C10orf90: variants seen among roughly 807,000 people sequenced by gnomAD.
C10orf90 encodes chromosome 10 open reading frame 90, also known as (E2-independent) E3 ubiquitin-conjugating enzyme FATS.
Under a neutral mutation model 62.5 loss-of-function variants are expected in C10orf90, and 56 were observed. The observed-to-expected ratio is 0.90, with a 90% CI of 0.72 to 1.12. The LOEUF (loss-of-function observed/expected upper bound fraction) is 1.12, where lower values mean the gene tolerates loss of function less well. Ranked by LOEUF, C10orf90 falls within the 50% of genes most tolerant of loss-of-function variation. The pLI is 0.00. For synonymous variants in C10orf90, 386 were observed against 340.4 expected (o/e 1.13, Z -1.47); for missense variants, 970 against 880.4 (o/e 1.10, Z -1.29).
At chr10:126,650,237 G>A (rs1244202940) in intron 1 of C10orf90, among the ~76,000 whole-genome samples, 2 of 152,152 alleles carry the variant, frequency 1.3e-5, no homozygotes, top group Non-Finnish European at 2.9e-5. Context: ...TCCTAACTCA[G>A]GCCTTTCAAG....
chr10:126,495,846 A>T (rs1862017751), intron 4 of C10orf90, among the ~76,000 whole-genome samples: 1 of 152,186 alleles, frequency 6.6e-6, no homozygotes, highest in Non-Finnish European at 1.5e-5. Context: ...GATCCCTTCT[A>T]AATTCACTTC....
intron 2 of C10orf90, among the ~76,000 whole-genome samples, chr10:126,534,735 C>T (rs1209635852): frequency 6.6e-6 from 1 of 151,784 alleles, no homozygotes; most frequent in Non-Finnish European, 1.5e-5. Context: ...TTGTGTGTTT[C>T]TTCTGCTTTC....
At chr10:126,446,650 C>G (rs1216717753) in intron 7 of C10orf90, among the ~76,000 whole-genome samples, 1 of 152,070 alleles carries the variant, frequency 6.6e-6, no homozygotes, top group Non-Finnish European at 1.5e-5. Flanking sequence ...CACACTAAAG[C>G]AAAAGGATAC....
chr10:126,576,722 A>ATGTATATG (rs1564879166), intron 2 of C10orf90, among the ~76,000 whole-genome samples: 1 of 34,570 alleles, frequency 2.9e-5, no homozygotes, highest in Non-Finnish European at 5.8e-5. Flanking sequence ...TATACAAGAT[A>ATGTATATG]TACATATATA....
At chr10:126,517,625 G>GT (rs1265243213) in intron 2 of C10orf90, among the ~76,000 whole-genome samples, 1 of 152,140 alleles carries the variant, frequency 6.6e-6, no homozygotes, top group African/African-American at 2.4e-5. Context: ...GAATACAAAG[G>GT]TTGGGGCCAG....
chr10:126,576,234 C>A (rs954861111), intron 2 of C10orf90, among the ~76,000 whole-genome samples: 2 of 151,782 alleles, frequency 1.3e-5, no homozygotes, highest in Non-Finnish European at 1.5e-5. Flanking sequence ...ACAGCAAAAA[C>A]CCAATTTGAT....
At chr10:126,653,163 G>A (rs909167312) in intron 1 of C10orf90, among the ~76,000 whole-genome samples, 8 of 152,184 alleles carry the variant, frequency 5.3e-5, no homozygotes, top group Non-Finnish European at 8.8e-5. Flanking sequence ...TCAGGGTGGT[G>A]TTTGCTGAAG....
intron 1 of C10orf90, among the ~76,000 whole-genome samples, chr10:126,667,564 C>T (rs1021065608): frequency 9.2e-5 from 14 of 152,148 alleles, no homozygotes; most frequent in African/African-American, 3.1e-4. Flanking sequence ...TCAGCCTGCA[C>T]CTACCATCAG....
intron 4 of C10orf90, among the ~76,000 whole-genome samples, chr10:126,494,202 A>G (rs1249552122): frequency 1.3e-5 from 2 of 152,238 alleles, no homozygotes; most frequent in Non-Finnish European, 2.9e-5. Context: ...TCTGCTGAAT[A>G]TACACCAAAG....
chr10:126,651,613 C>A (rs1167473956), intron 1 of C10orf90, among the ~76,000 whole-genome samples: 1 of 152,136 alleles, frequency 6.6e-6, no homozygotes, highest in Non-Finnish European at 1.5e-5. Context: ...AGAACAGGAA[C>A]AGAAACGTTA....
intron 2 of C10orf90, among the ~76,000 whole-genome samples, chr10:126,616,763 G>C (rs1231090770): frequency 6.6e-6 from 1 of 152,160 alleles, no homozygotes; most frequent in Non-Finnish European, 1.5e-5. Flanking sequence ...CATGCCACTT[G>C]AAGAGCACAA....
intron 2 of C10orf90, among the ~76,000 whole-genome samples, chr10:126,532,638 C>G (rs1265756577): frequency 6.6e-6 from 1 of 151,340 alleles, no homozygotes; most frequent in East Asian, 2.0e-4. Flanking sequence ...GAAATCGAGA[C>G]CATCCTGGCT....
At chr10:126,647,471 C>T (rs1846194812) in intron 1 of C10orf90, among the ~76,000 whole-genome samples, 1 of 152,216 alleles carries the variant, frequency 6.6e-6, no homozygotes, top group African/African-American at 2.4e-5. Flanking sequence ...CTTCTCATCC[C>T]CTGCATCTGG....
chr10:126,545,861 C>A (rs533974904), intron 2 of C10orf90, among the ~76,000 whole-genome samples: 1 of 152,088 alleles, frequency 6.6e-6, no homozygotes, highest in South Asian at 2.1e-4. Context: ...TTTCTTATTT[C>A]TTCAACTAAA....
chr10:126,468,129 C>T (rs1425376900), intron 4 of C10orf90, among the ~76,000 whole-genome samples: 2 of 150,430 alleles, frequency 1.3e-5, no homozygotes, highest in Admixed American at 1.3e-4. Context: ...GTTGGAGTGG[C>T]ACTATCTTGG....
At chr10:126,591,186 A>T (rs1844972048) in intron 2 of C10orf90, among the ~76,000 whole-genome samples, 1 of 152,192 alleles carries the variant, frequency 6.6e-6, no homozygotes, top group African/African-American at 2.4e-5. Flanking sequence ...CTCCTCACTA[A>T]GTCATGTTAT....
chr10:126,521,410 C>G, intron 2 of C10orf90: 1 of 1,596,536 alleles, frequency 6.3e-7, no homozygotes, highest in Non-Finnish European at 8.5e-7. Flanking sequence ...AAAAAAATGT[C>G]CGGAGTTTAC....
intron 2 of C10orf90, chr10:126,521,280 G>GA (rs755337609): frequency 6.2e-7 from 1 of 1,613,468 alleles, no homozygotes; most frequent in Non-Finnish European, 8.5e-7. Context: ...TATATCTGTG[G>GA]AAAAAAATTA....
chr10:126,561,804 C>G (rs1171140116), intron 2 of C10orf90, among the ~76,000 whole-genome samples: 1 of 152,112 alleles, frequency 6.6e-6, no homozygotes, highest in African/African-American at 2.4e-5. Flanking sequence ...TTCCCCGGGC[C>G]CCGGGTGGCC....
Sources: gnomAD v4.1 joint callset for allele counts (sites outside exome capture counted in the v4.1 genomes callset) on GRCh38, gnomAD v4.1.1 for gene constraint, MANE v1.5 for transcripts, NCBI Gene and HGNC (gene_info 2026-07-23, HGNC 2026-07-21) for gene names.